CEP112: variants seen among roughly 807,000 people sequenced by gnomAD.
The protein encoded by CEP112 is centrosomal protein of 112 kDa.
Under a neutral mutation model 153.0 loss-of-function variants are expected in CEP112, and 127 were observed. That is an observed-to-expected ratio of 0.83 (90% CI 0.72 to 0.96). CEP112 has a LOEUF of 0.96. CEP112 is among the 40% of genes least tolerant of loss of function. The probability of loss-of-function intolerance (pLI) is 0.00; values close to 1 mark genes in which losing one functional copy is unlikely to be tolerated. For synonymous variants in CEP112, 358 were observed against 374.4 expected, an observed-to-expected ratio of 0.96 and a Z score of 0.51; for missense variants, 1,089 against 1,101.2, an observed-to-expected ratio of 0.99 and a Z score of 0.16.
chr17:66,014,533 C>G (rs529551495), intron 16 of CEP112, among the ~76,000 whole-genome samples: 3 of 152,210 alleles, frequency 2.0e-5, no homozygotes, highest in African/African-American at 7.2e-5. Flanking sequence ...CTCATCAAAA[C>G]TCTCTGGGCT....
chr17:65,667,517 T>A (rs2046754833), intron 24 of CEP112, among the ~76,000 whole-genome samples: 1 of 151,894 alleles, frequency 6.6e-6, no homozygotes, highest in Non-Finnish European at 1.5e-5. Context: ...CGTACATCTA[T>A]AATTTAAGAA....
intron 17 of CEP112, among the ~76,000 whole-genome samples, chr17:65,975,138 C>T (rs2062984729): frequency 6.6e-6 from 1 of 152,110 alleles, no homozygotes; most frequent in African/African-American, 2.4e-5. Flanking sequence ...GAAAAGAACA[C>T]AAAAGAACTC....
intron 20 of CEP112, among the ~76,000 whole-genome samples, chr17:65,875,282 CAA>C (rs1179851246): frequency 6.6e-6 from 1 of 151,968 alleles, no homozygotes; most frequent in African/African-American, 2.4e-5. Flanking sequence ...AATGCATTGC[CAA>C]AAGTTTTCTT....
chr17:66,166,018 C>A (rs2071939547), intron 4 of CEP112, among the ~76,000 whole-genome samples: 1 of 152,084 alleles, frequency 6.6e-6, no homozygotes, highest in South Asian at 2.1e-4. Flanking sequence ...AATTATTCTC[C>A]AAGTTCTTTC....
chr17:66,051,558 T>C (rs563339304), intron 12 of CEP112, among the ~76,000 whole-genome samples: 139 of 152,266 alleles, frequency 9.1e-4, no homozygotes, highest in African/African-American at 3.2e-3. Context: ...CACAACTGTC[T>C]GACCCTAAAG....
chr17:65,822,458 C>T (rs952212602), intron 21 of CEP112, among the ~76,000 whole-genome samples: 9 of 152,120 alleles, frequency 5.9e-5, no homozygotes, highest in African/African-American at 2.2e-4. Flanking sequence ...ATACCTAACA[C>T]AATGTAAATG....
chr17:66,155,656 C>T (rs1361472790), intron 4 of CEP112, among the ~76,000 whole-genome samples: 2 of 152,170 alleles, frequency 1.3e-5, no homozygotes, highest in African/African-American at 4.8e-5. Flanking sequence ...GCTTGAAATT[C>T]TCACTGCCAG....
At chr17:65,713,703 C>T (rs2049328382) in intron 23 of CEP112, among the ~76,000 whole-genome samples, 1 of 152,200 alleles carries the variant, frequency 6.6e-6, no homozygotes, top group East Asian at 1.9e-4. Flanking sequence ...TCTCCTGCCT[C>T]AGCCTCCCAA....
At chr17:65,976,857 G>C (rs1275389547) in intron 17 of CEP112, among the ~76,000 whole-genome samples, 1 of 149,724 alleles carries the variant, frequency 6.7e-6, no homozygotes, top group African/African-American at 2.5e-5. Context: ...TCGTGCCTCA[G>C]CCTCCCAAGT....
chr17:65,833,276 C>G (rs1461310488), intron 21 of CEP112, among the ~76,000 whole-genome samples: 1 of 152,122 alleles, frequency 6.6e-6, no homozygotes, highest in Admixed American at 6.5e-5. Flanking sequence ...AAGCCAGAAG[C>G]ATTTCCCTTG....
intron 24 of CEP112, among the ~76,000 whole-genome samples, chr17:65,661,418 T>C (rs2046380045): frequency 6.6e-6 from 1 of 152,244 alleles, no homozygotes; most frequent in Admixed American, 6.5e-5. Flanking sequence ...GAATGCTATA[T>C]GGTACTTTCA....
At chr17:65,940,017 A>G (rs1402746134) in intron 18 of CEP112, among the ~76,000 whole-genome samples, 1 of 152,210 alleles carries the variant, frequency 6.6e-6, no homozygotes, top group Non-Finnish European at 1.5e-5. Context: ...TTCAAAATAT[A>G]TAAAGAACAC....
chr17:66,079,418 T>G (rs1370616465), intron 8 of CEP112, among the ~76,000 whole-genome samples: 1 of 152,082 alleles, frequency 6.6e-6, no homozygotes, highest in East Asian at 1.9e-4. Context: ...AACAAACCTA[T>G]TACAACTATA....
Position 65,743,123 on chromosome 17 carries a change from T to A in CEP112, c.2552A>T (p.Gln851Leu). The A allele has an allele frequency of 6.2e-7, 1 of 1,612,616 alleles. No individual in the cohort carries two copies. Among genetic ancestry groups the A allele is most frequent in the Non-Finnish European group, 8.5e-7 (1 of 1,179,466 alleles). ...AAERRLQDVR[Q>L]KFEDEKKQLI... ...CTGCTTCTTCTCATCTTCAAACTTTTGTCTAACATCCTGGAGCCGCCTTTC... is the reference window on the plus strand; with the variant it reads ...CTGCTTCTTCTCATCTTCAAACTTTAGTCTAACATCCTGGAGCCGCCTTTC... Residue 851 changes from glutamine to leucine, a missense_variant, in exon 23 of 27, where the codon CAA (glutamine) becomes CTA (leucine). Gln to Leu is a moderately radical substitution (Grantham distance 113). Transcript: ENST00000535342.
chr17:66,090,466 T>C (rs2068091617), intron 8 of CEP112, among the ~76,000 whole-genome samples: 1 of 152,070 alleles, frequency 6.6e-6, no homozygotes, highest in South Asian at 2.1e-4. Flanking sequence ...AAGGTTATTA[T>C]CAGTTTAAAA....
intron 24 of CEP112, among the ~76,000 whole-genome samples, chr17:65,667,914 C>T (rs547592856): frequency 0.01 from 1,357 of 133,924 alleles, 8 homozygotes; most frequent in Non-Finnish European, 0.015. Flanking sequence ...TTTTTTTTTT[C>T]GAGACTGAGT....
intron 24 of CEP112, among the ~76,000 whole-genome samples, chr17:65,654,537 C>T (rs761101532): frequency 6.6e-6 from 1 of 152,180 alleles, no homozygotes; most frequent in African/African-American, 2.4e-5. Context: ...AGTTGCCGAC[C>T]TCTGTTGTTT....
intron 11 of CEP112, among the ~76,000 whole-genome samples, chr17:66,056,519 T>C (rs2066695349): frequency 6.6e-6 from 1 of 152,228 alleles, no homozygotes; most frequent in African/African-American, 2.4e-5. Flanking sequence ...AGGCAAAATG[T>C]GGTCTATCCA....
At chr17:65,653,924 T>C (rs1434487025) in intron 24 of CEP112, among the ~76,000 whole-genome samples, 1 of 150,214 alleles carries the variant, frequency 6.7e-6, no homozygotes. Context: ...CCGGGCGTGG[T>C]GGTGCGCACC....
Sources: allele counts gnomAD v4.1 joint callset (sites outside exome capture counted in the v4.1 genomes callset), GRCh38; gene constraint gnomAD v4.1.1; transcripts MANE v1.5; gene names NCBI Gene and HGNC (gene_info 2026-07-23, HGNC 2026-07-21).